RBX1: variants seen among roughly 807,000 people sequenced by gnomAD.
The protein encoded by RBX1 is E3 ubiquitin-protein ligase RBX1.
For missense variants in RBX1, 46 were observed against 141.4 expected, an observed-to-expected ratio of 0.33 and a Z score of 3.42; for synonymous variants, 48 against 47.9, an observed-to-expected ratio of 1.00 and a Z score of -0.01.
intron 4 of RBX1, 28 bp downstream of exon 4, chr22:40,967,912 G>A: frequency 3.3e-6 from 5 of 1,509,992 alleles, no homozygotes; most frequent in South Asian, 1.1e-5. Flanking sequence ...TTTTGACGGG[G>A]CTTTTTGACT....
intron 4 of RBX1, among the ~76,000 whole-genome samples, chr22:40,971,406 TC>T (rs916453743): frequency 6.6e-6 from 1 of 152,180 alleles, no homozygotes; most frequent in African/African-American, 2.4e-5. Flanking sequence ...GATCCAGAGT[TC>T]CAGTGCCCTA....
At chr22:40,952,801 A>G (rs2058315002) in intron 1 of RBX1, among the ~76,000 whole-genome samples, 2 of 152,208 alleles carry the variant, frequency 1.3e-5, no homozygotes, top group East Asian at 1.9e-4. Flanking sequence ...ACGGGTATTT[A>G]ATTATCCAGC....
intron 4 of RBX1, among the ~76,000 whole-genome samples, chr22:40,969,356 T>G (rs539652897): frequency 1.3e-5 from 2 of 152,350 alleles, no homozygotes; most frequent in Admixed American, 1.3e-4. Flanking sequence ...AGTTTTTCAC[T>G]GATGCAAGCA....
At chr22:40,954,828 C>G (rs1195949930) in intron 2 of RBX1, among the ~76,000 whole-genome samples, 1 of 151,892 alleles carries the variant, frequency 6.6e-6, no homozygotes, top group Admixed American at 6.6e-5. Context: ...ATGGAGTCGC[C>G]CAGGTTGGAG....
At chr22:40,956,034 A>G (rs1347418281) in intron 2 of RBX1, among the ~76,000 whole-genome samples, 3 of 152,022 alleles carry the variant, frequency 2.0e-5, no homozygotes, top group Non-Finnish European at 4.4e-5. Context: ...GAAAATAGTT[A>G]ATGATTTTTA....
At chr22:40,962,122 CAG>C (rs1397705973) in intron 2 of RBX1, among the ~76,000 whole-genome samples, 2 of 148,330 alleles carry the variant, frequency 1.3e-5, no homozygotes, top group African/African-American at 5.3e-5. Flanking sequence ...TTTTTTGAGA[CAG>C]AGTCTTGCTC....
At chr22:40,961,175 C>G (rs932931219) in intron 2 of RBX1, among the ~76,000 whole-genome samples, 1 of 148,480 alleles carries the variant, frequency 6.7e-6, no homozygotes, top group Admixed American at 6.8e-5. Flanking sequence ...GCAGCCTCAA[C>G]CGCCTGTGCT....
intron 2 of RBX1, among the ~76,000 whole-genome samples, chr22:40,961,395 TTTTTA>T (rs1227966525): frequency 6.6e-6 from 1 of 151,700 alleles, no homozygotes; most frequent in Non-Finnish European, 1.5e-5. Context: ...CAATTCTTTA[TTTTTA>T]TTTTATTTTA....
chr22:40,955,852 A>G (rs756991043), intron 2 of RBX1, among the ~76,000 whole-genome samples: 8 of 152,202 alleles, frequency 5.3e-5, no homozygotes, highest in Non-Finnish European at 8.8e-5. Context: ...GAAGATCAGC[A>G]CCTACCATAA....
chr22:40,969,733 C>A (rs552860864), intron 4 of RBX1, among the ~76,000 whole-genome samples: 2 of 151,714 alleles, frequency 1.3e-5, no homozygotes, highest in Non-Finnish European at 2.9e-5. Context: ...TTAAAAAATA[C>A]AAAAATTAGC....
intron 1 of RBX1, 117 bp downstream of exon 1, chr22:40,951,593 C>T (rs2058310557): frequency 6.3e-6 from 6 of 948,658 alleles, no homozygotes; most frequent in Admixed American, 5.3e-5. Flanking sequence ...TTCCTGGGAC[C>T]GGGTACCACG....
chr22:40,973,083 A>G lies in RBX1; in HGVS notation c.*595A>G, dbSNP rs2146305791. 6.6e-6 allele frequency: 1 copy of G among 152,440 alleles called. No homozygotes were observed. Among genetic ancestry groups the G allele is most frequent in the Middle Eastern group, 3.4e-3 (1 of 294 alleles). The allele number at this position is 152,440 out of a possible 1,614,324, so 9.4% of individuals were successfully genotyped here. A position where few individuals can be genotyped will look rare whatever the true frequency, so the allele number is the denominator to read the frequency against. On this transcript the variant is annotated 3_prime_UTR_variant, in exon 5 of 5. Coordinates refer to ENST00000216225, the MANE Select transcript of RBX1 (RefSeq NM_014248.4). ...TGGGCACAGAGAGAAGCTTTGTAAAATGTAAAACCGCTATACAAATGTGAC... is the reference window on the plus strand; with the variant it reads ...TGGGCACAGAGAGAAGCTTTGTAAAGTGTAAAACCGCTATACAAATGTGAC...
chr22:40,954,067 T>C (rs1012815988), intron 2 of RBX1, among the ~76,000 whole-genome samples: 1 of 151,518 alleles, frequency 6.6e-6, no homozygotes, highest in Non-Finnish European at 1.5e-5. Flanking sequence ...AGGCCAGGAG[T>C]TGACCAACCT....
intron 2 of RBX1, among the ~76,000 whole-genome samples, chr22:40,956,923 T>C (rs1404283324): frequency 6.6e-6 from 1 of 151,854 alleles, no homozygotes; most frequent in Non-Finnish European, 1.5e-5. Context: ...TAGTCCCAGC[T>C]ACTTGAGAGG....
rs571031336 is a variant in RBX1, at chr22:40,964,713, C to G, written c.228+596C>G. Among the ~76,000 whole-genome samples the G allele has an allele frequency of 1.3e-4, 20 of 152,196 alleles. No homozygotes were observed. In the East Asian group the frequency reaches 2.7e-3, roughly 21 times the overall value. ...AATTCATTCTTTAAGCTGTAAAGTC[C>G]CAGTCACATGAGCTAAAATTGTCTT... is the stretch of plus-strand genomic sequence containing the variant. On this transcript the variant is annotated intron_variant, in intron 3 of 4. Coordinates refer to ENST00000216225, the MANE Select transcript of RBX1 (RefSeq NM_014248.4).
At chr22:40,954,260 C>T (rs539611917) in intron 2 of RBX1, among the ~76,000 whole-genome samples, 176 of 134,002 alleles carry the variant, frequency 1.3e-3, no homozygotes, top group African/African-American at 4.3e-3. Flanking sequence ...CACAGCAAGA[C>T]TCAAAGTCTC....
At chr22:40,962,009 C>A (rs1049878408) in intron 2 of RBX1, among the ~76,000 whole-genome samples, 2 of 151,558 alleles carry the variant, frequency 1.3e-5, no homozygotes, top group African/African-American at 2.4e-5. Flanking sequence ...GGTCTCGAAC[C>A]CTGACATCAA....
chr22:40,971,200 T>G (rs898928975), intron 4 of RBX1, among the ~76,000 whole-genome samples: 2 of 152,180 alleles, frequency 1.3e-5, no homozygotes, highest in East Asian at 3.8e-4. Context: ...ATCTGGGGCT[T>G]TGACTCTGCC....
At chr22:40,953,359 G>T (rs780923476) in intron 1 of RBX1, among the ~76,000 whole-genome samples, 196 bp from the exon 2 acceptor site, 13 of 152,180 alleles carry the variant, frequency 8.5e-5, no homozygotes, top group African/African-American at 2.9e-4. Flanking sequence ...CATATACTCA[G>T]CCTTTTGGAG....
Sources: allele counts gnomAD v4.1 joint callset (sites outside exome capture counted in the v4.1 genomes callset), GRCh38; gene constraint gnomAD v4.1.1; transcripts MANE v1.5; gene names NCBI Gene and HGNC (gene_info 2026-07-23, HGNC 2026-07-21).